Variants in CDH23 observed in about 807,000 individuals in gnomAD.
CDH23 encodes cadherin related 23.
CDH23 carries 189 observed loss-of-function variants against 317.1 expected under a neutral mutation model. The observed-to-expected ratio is 0.60, with a 90% CI of 0.53 to 0.67. The LOEUF is 0.67. Among genes scored for constraint, CDH23 ranks in the 30% least tolerant of loss-of-function variants. The probability of loss-of-function intolerance (pLI) is 0.00; values close to 1 mark genes in which losing one functional copy is unlikely to be tolerated. For missense variants in CDH23, 4,401 were observed against 4,592.4 expected (o/e 0.96, Z 1.20); for synonymous variants, 1,839 against 1,876.8 (o/e 0.98, Z 0.52).
At chr10:71,774,065 A>G (rs1476113226) in intron 38 of CDH23, among the ~76,000 whole-genome samples, 1 of 151,708 alleles carries the variant, frequency 6.6e-6, no homozygotes, top group Non-Finnish European at 1.5e-5. Context: ...ACACACACAC[A>G]CACACACACA....
At chr10:71,492,819 G>T (rs934598630) in intron 3 of CDH23, among the ~76,000 whole-genome samples, 1 of 152,342 alleles carries the variant, frequency 6.6e-6, no homozygotes, top group East Asian at 1.9e-4. Context: ...GGTGTGCTGC[G>T]CTTGGAGTCT....
intron 55 of CDH23, 136 bp from the exon 56 acceptor site, chr10:71,805,670 C>A: frequency 1.2e-6 from 1 of 832,506 alleles, no homozygotes; most frequent in Non-Finnish European, 1.8e-6. Context: ...GCCGAGCAGG[C>A]AGGCGCTCCT....
chr10:71,485,515 A>G (rs1016636485), intron 3 of CDH23, among the ~76,000 whole-genome samples: 1 of 152,204 alleles, frequency 6.6e-6, no homozygotes, highest in Middle Eastern at 3.2e-3. Context: ...GAGGAGCTGA[A>G]AGCTCTTTGT....
chr10:71,602,741 C>G (rs951520062), intron 9 of CDH23, among the ~76,000 whole-genome samples: 3 of 152,144 alleles, frequency 2.0e-5, no homozygotes, highest in African/African-American at 7.2e-5. Flanking sequence ...ACCCAGTTCA[C>G]CATCTTTGAC....
intron 22 of CDH23, among the ~76,000 whole-genome samples, chr10:71,701,556 T>C (rs1480443365): frequency 6.6e-6 from 1 of 152,028 alleles, no homozygotes; most frequent in Non-Finnish European, 1.5e-5. Context: ...TCAGGGACCA[T>C]GTACCTCCCT....
intron 1 of CDH23, among the ~76,000 whole-genome samples, chr10:71,417,348 A>G (rs769636390): frequency 7.9e-5 from 12 of 152,018 alleles, no homozygotes; most frequent in Non-Finnish European, 1.3e-4. Flanking sequence ...AAGTGCTGGG[A>G]TTACAGATCT....
At chr10:71,738,371 C>A in intron 34 of CDH23, 127 bp from the exon 35 acceptor site, 2 of 1,111,318 alleles carry the variant, frequency 1.8e-6, no homozygotes, top group Non-Finnish European at 2.7e-6. Context: ...TCGGTGGGCT[C>A]TGAGGGTTTG....
At position 71,784,844 on chromosome 10, in the gene CDH23, A is replaced by T. The variant is rs752795843; in HGVS notation, c.5503-47A>T. 3.3e-6 allele frequency: 5 copies of T among 1,519,944 alleles called. No homozygotes were observed. In the East Asian group the frequency reaches 9.0e-5, roughly 27 times the overall value. 94.2% of individuals were successfully genotyped at this position (1,519,944 alleles called of 1,614,324 possible). On this transcript the variant is annotated intron_variant, in intron 42 of 69. Coordinates refer to ENST00000224721, the MANE Select transcript of CDH23 (RefSeq NM_022124.6). ...CTCCTCCTCGGTTGCCATGCACAACATCTGTCGCTCTTCCTCCCCTCCCTC... is the reference window on the plus strand; with the variant it reads ...CTCCTCCTCGGTTGCCATGCACAACTTCTGTCGCTCTTCCTCCCCTCCCTC...
intron 3 of CDH23, among the ~76,000 whole-genome samples, chr10:71,479,691 G>A (rs776312044): frequency 6.6e-6 from 1 of 152,134 alleles, no homozygotes; most frequent in Non-Finnish European, 1.5e-5. Context: ...GCCCCTGCCA[G>A]GAAGTTAGAG....
chr10:71,403,424 C>T (rs1589263050), intron 1 of CDH23, among the ~76,000 whole-genome samples: 1 of 64,248 alleles, frequency 1.6e-5, no homozygotes, highest in Non-Finnish European at 2.6e-5. Flanking sequence ...TTCCTTCCTT[C>T]CTTCCTTCCT....
At chr10:71,563,019 A>G (rs1252323385) in intron 6 of CDH23, among the ~76,000 whole-genome samples, 4 of 152,206 alleles carry the variant, frequency 2.6e-5, no homozygotes, top group African/African-American at 9.6e-5. Flanking sequence ...GCCTAGACCC[A>G]TCACCTAGAG....
At chr10:71,684,668 C>T (rs569413127) in intron 18 of CDH23, among the ~76,000 whole-genome samples, 8 of 152,306 alleles carry the variant, frequency 5.3e-5, no homozygotes, top group East Asian at 1.9e-4. Flanking sequence ...AATGTCTTAT[C>T]GCTGTAATGA....
chr10:71,789,980 CCA>C (rs1564794633), intron 45 of CDH23, among the ~76,000 whole-genome samples: 2 of 152,204 alleles, frequency 1.3e-5, no homozygotes, highest in Non-Finnish European at 2.9e-5. Context: ...TCAGGGAGCC[CCA>C]GACCCTCCCG....
In CDH23 at chr10:71,506,650, T is replaced by C. The variant is rs565797960; in HGVS notation, c.146-3432T>C. Reference sequence around the variant, plus strand: ...CCTCCCCTGGTGGAGAAACAAGCCTTGCTTCCCGGAGAAGCCAGGGCTGGG... The same window carrying C: ...CCTCCCCTGGTGGAGAAACAAGCCTCGCTTCCCGGAGAAGCCAGGGCTGGG... On this transcript the variant is annotated intron_variant, in intron 3 of 69. Coordinates refer to ENST00000224721, the MANE Select transcript of CDH23 (RefSeq NM_022124.6). Among the ~76,000 whole-genome samples the C allele has an allele frequency of 2.5e-3, 374 of 152,056 alleles. 3 individuals are homozygous for C. The highest frequency in any genetic ancestry group is 8.8e-3 in the African/African-American group (367 of 41,484).
Position 71,810,187 on chromosome 10 carries a change from T to C in CDH23, c.8979+111T>C, listed in dbSNP as rs1414206837. Reference sequence around the variant, plus strand: ...AAAGGCCAGGGCGTGAAAGGCAGTATAGTCCCTACTTAGTCATTTCCTATC... The same window carrying C: ...AAAGGCCAGGGCGTGAAAGGCAGTACAGTCCCTACTTAGTCATTTCCTATC... On this transcript the variant is annotated intron_variant, in intron 61 of 69. Transcript: ENST00000224721. The C allele has an allele frequency of 3.1e-6, 4 of 1,287,352 alleles. No homozygotes were observed. In the South Asian group the frequency reaches 4.0e-5, roughly 13 times the overall value. The allele number at this position is 1,287,352 out of a possible 1,614,324, so 79.7% of individuals were successfully genotyped here.
intron 22 of CDH23, among the ~76,000 whole-genome samples, chr10:71,700,724 T>C (rs1160086967): frequency 6.6e-6 from 1 of 152,160 alleles, no homozygotes; most frequent in Non-Finnish European, 1.5e-5. Context: ...CCCACCTCTC[T>C]GAAGGAGAAG....
At chr10:71,525,711 T>C (rs1234246212) in intron 6 of CDH23, among the ~76,000 whole-genome samples, 1 of 152,188 alleles carries the variant, frequency 6.6e-6, no homozygotes, top group East Asian at 1.9e-4. Context: ...GCCACCACAC[T>C]GCTGGGACAC....
chr10:71,707,051 T>C lies in CDH23; in HGVS notation c.3106+2T>C. ...CAGAGCTCAGCTACTTCATCACAGG[T>C]GCTGCCCCGGCCTCCGCCCACCTGT... On this transcript the variant is annotated splice_donor_variant, in intron 26 of 69. Transcript: ENST00000224721. LOFTEE classifies it high-confidence loss of function. The C allele has an allele frequency of 6.3e-7, 1 of 1,599,874 alleles. No individual in the cohort carries two copies. Among genetic ancestry groups the C allele is most frequent in the Non-Finnish European group, 8.5e-7 (1 of 1,173,516 alleles).
intron 1 of CDH23, among the ~76,000 whole-genome samples, chr10:71,426,697 T>G (rs960318598): frequency 6.6e-6 from 1 of 152,220 alleles, no homozygotes; most frequent in Non-Finnish European, 1.5e-5. Flanking sequence ...TGTTATTGAA[T>G]TCATTTTTTA....
Sources: allele counts gnomAD v4.1 joint callset (sites outside exome capture counted in the v4.1 genomes callset), GRCh38; gene constraint gnomAD v4.1.1; transcripts MANE v1.5; gene names NCBI Gene and HGNC (gene_info 2026-07-23, HGNC 2026-07-21).